The following SORCS1 variants were observed in gnomAD, a reference collection of about 807,000 sequenced individuals.
SORCS1 encodes the protein VPS10 domain-containing receptor SorCS1.
In SORCS1, 60 loss-of-function variants were observed where a neutral mutation model predicts 146.1. The observed-to-expected ratio is 0.41, with a 90% CI of 0.33 to 0.51. The LOEUF (loss-of-function observed/expected upper bound fraction) is 0.51, where lower values mean the gene tolerates loss of function less well. SORCS1 is among the 20% of genes least tolerant of loss of function. SORCS1 has a pLI of 0.21. For synonymous variants in SORCS1, 637 were observed against 584.0 expected, an observed-to-expected ratio of 1.09 and a Z score of -1.31; for missense variants, 1,352 against 1,487.6, an observed-to-expected ratio of 0.91 and a Z score of 1.50.
chr10:106,607,438 G>T, intron 22 of SORCS1, 141 bp from the exon 23 acceptor site: 1 of 1,161,136 alleles, frequency 8.6e-7, no homozygotes, highest in Non-Finnish European at 1.2e-6. Context: ...TATCAGGCAG[G>T]GAGTATGTGA....
intron 3 of SORCS1, among the ~76,000 whole-genome samples, chr10:106,828,659 T>C (rs1948401431): frequency 6.6e-6 from 1 of 152,244 alleles, no homozygotes; most frequent in Non-Finnish European, 1.5e-5. Context: ...TTAGTTCATG[T>C]AACCTATGTA....
chr10:107,015,124 C>T (rs1339379873), intron 1 of SORCS1, among the ~76,000 whole-genome samples: 8 of 152,284 alleles, frequency 5.3e-5, no homozygotes, highest in South Asian at 2.1e-4. Flanking sequence ...AAACAGATTA[C>T]GCTTAACCCT....
intron 5 of SORCS1, among the ~76,000 whole-genome samples, chr10:106,732,582 C>T (rs1383178706): frequency 6.6e-6 from 1 of 152,184 alleles, no homozygotes; most frequent in African/African-American, 2.4e-5. Context: ...ATGACTACCA[C>T]CACTTATTCC....
intron 1 of SORCS1, among the ~76,000 whole-genome samples, chr10:107,035,211 T>C (rs1021351568): frequency 6.7e-6 from 1 of 149,206 alleles, no homozygotes; most frequent in African/African-American, 2.5e-5. Context: ...ACTTATATTC[T>C]GTGCCAGTGT....
chr10:107,118,755 C>T (rs1386866668), intron 1 of SORCS1, among the ~76,000 whole-genome samples: 1 of 152,138 alleles, frequency 6.6e-6, no homozygotes, highest in African/African-American at 2.4e-5. Context: ...GTCAGAATAA[C>T]CATATACTGA....
At chr10:107,019,340 T>C (rs967100608) in intron 1 of SORCS1, among the ~76,000 whole-genome samples, 1 of 152,084 alleles carries the variant, frequency 6.6e-6, no homozygotes, top group Non-Finnish European at 1.5e-5. Flanking sequence ...AAAGGTTGAG[T>C]AGTGTCTGTT....
Position 106,811,107 on chromosome 10 carries a change from T to G in SORCS1, c.726+18467A>C, listed in dbSNP as rs1254819561. Among the ~76,000 whole-genome samples, 4 of 151,808 alleles carry G rather than the reference T, an allele frequency of 2.6e-5. No homozygotes were observed. The South Asian group carries it at 8.3e-4, about 32-fold the overall frequency. The stretch of plus-strand genomic sequence containing the variant: ...GGCGCCTACCACCACATCCGGCTAA[T>G]TTTTGTATTTTTAGTAGAGACGGGG... On this transcript the variant is annotated intron_variant, in intron 3 of 25. Coordinates refer to ENST00000263054, the MANE Select transcript of SORCS1 (RefSeq NM_052918.5).
At chr10:107,002,750 T>C (rs1957270910) in intron 1 of SORCS1, among the ~76,000 whole-genome samples, 1 of 152,142 alleles carries the variant, frequency 6.6e-6, no homozygotes, top group African/African-American at 2.4e-5. Flanking sequence ...TGATTGTCTC[T>C]TCATAATGGA....
intron 8 of SORCS1, among the ~76,000 whole-genome samples, chr10:106,702,352 G>C (rs1396913663): frequency 6.6e-6 from 1 of 152,166 alleles, no homozygotes; most frequent in African/African-American, 2.4e-5. Flanking sequence ...CCTGACCCCC[G>C]CATAGCTAAT....
rs10658432 is a variant in SORCS1 at position 106,674,328 on chromosome 10, CAAAAAAAA to C, written c.1940+713_1940+720del. Among the ~76,000 whole-genome samples the C allele has an allele frequency of 5.3e-3, 146 of 27,370 alleles. 5 individuals carry two copies. The highest frequency in any genetic ancestry group is 6.9e-3 in the Non-Finnish European group (127 of 18,432). The allele number at this position is 27,370 out of a possible 152,430, so 18.0% of individuals were successfully genotyped here. On this transcript the variant is annotated intron_variant, in intron 14 of 25. Coordinates refer to ENST00000263054, the MANE Select transcript of SORCS1 (RefSeq NM_052918.5). ...TGGGCGACAGAGTAAGACTCCGTCTCAAAAAAAAAAAAAAAAAAAAAAAAAAAAAGTAG... is the reference window on the plus strand; with the variant it reads ...TGGGCGACAGAGTAAGACTCCGTCTCAAAAAAAAAAAAAAAAAAAAAGTAG...
intron 1 of SORCS1, among the ~76,000 whole-genome samples, chr10:107,066,581 A>G (rs975208074): frequency 2.6e-5 from 4 of 152,256 alleles, no homozygotes; most frequent in Non-Finnish European, 4.4e-5. Context: ...GGAATGAAGT[A>G]CAATGATCAA....
In SORCS1 at chr10:106,626,980, G is replaced by C. The variant is rs144405313; in HGVS notation, c.2662+2222C>G. Among the ~76,000 whole-genome samples the C allele has an allele frequency of 5.1e-3, 772 of 152,270 alleles. 2 individuals carry two copies. Among genetic ancestry groups the C allele is most frequent in the Middle Eastern group, 6.8e-3 (2 of 294 alleles). On this transcript the variant is annotated intron_variant, in intron 19 of 25. Coordinates refer to ENST00000263054, the MANE Select transcript of SORCS1 (RefSeq NM_052918.5). ...ACAAATTATCTTCCTCTAAGGTTAA[G>C]GTCAAATATTTGGTCCAATCAACTA...
At chr10:106,965,477 G>A (rs183405962) in intron 1 of SORCS1, among the ~76,000 whole-genome samples, 1 of 152,172 alleles carries the variant, frequency 6.6e-6, no homozygotes, top group African/African-American at 2.4e-5. Flanking sequence ...CAAATACTAG[G>A]GTGTACCACT....
chr10:106,871,539 C>T (rs1950406254), intron 2 of SORCS1, among the ~76,000 whole-genome samples: 1 of 152,208 alleles, frequency 6.6e-6, no homozygotes, highest in Non-Finnish European at 1.5e-5. Flanking sequence ...GGTACACATA[C>T]ACCATTAAAT....
rs567375359 is a variant in SORCS1 at position 106,915,951 on chromosome 10, GAA to G, written c.626+40560_626+40561del. On this transcript the variant is annotated intron_variant, in intron 2 of 25. Transcript: ENST00000263054. The stretch of plus-strand genomic sequence containing the variant: ...AAGCCAATTGATAAGAAAGGTGCAG[GAA>G]AAGATTGCTTGCAATGAAAGGTATC... Among the ~76,000 whole-genome samples, 317 of 152,282 alleles carry G rather than the reference GAA, an allele frequency of 2.1e-3. 6 individuals carry two copies. Among genetic ancestry groups the G allele is most frequent in the African/African-American group, 7.4e-3 (308 of 41,566 alleles).
Position 106,652,488 on chromosome 10 carries a change from T to C in SORCS1, c.2369A>G (p.Gln790Arg), listed in dbSNP as rs746214465. 6.2e-7 allele frequency: 1 copy of C among 1,614,166 alleles called. No individual in the cohort carries two copies. The highest frequency in any genetic ancestry group is 1.1e-5 in the South Asian group (1 of 91,082). ...CCGCGGGGCTTTCCCTGGGCACTTC[T>C]GCGGTTTGGCAGTGTACTGTTCCCT... The part of the protein sequence containing the change: ...GVREQYTAKP[Q>R]KCPGKAPRGL... Residue 790 changes from glutamine to arginine, a missense_variant, in exon 18 of 26, where the codon CAG (glutamine) becomes CGG (arginine). Physicochemically the swap from Gln to Arg is conservative, Grantham distance 43. This residue lies in a region of SORCS1 where 648 missense variants were observed against 793.8 expected (regional missense o/e 0.82). Coordinates refer to ENST00000263054, the MANE Select transcript of SORCS1 (RefSeq NM_052918.5).
intron 12 of SORCS1, among the ~76,000 whole-genome samples, chr10:106,678,363 C>T (rs1192506939): frequency 2.0e-5 from 3 of 152,132 alleles, no homozygotes; most frequent in African/African-American, 4.8e-5. Context: ...AATTTCTTCC[C>T]TTCCTCCTCC....
chr10:106,999,428 C>T (rs531820824), intron 1 of SORCS1, among the ~76,000 whole-genome samples: 1 of 152,274 alleles, frequency 6.6e-6, no homozygotes, highest in Non-Finnish European at 1.5e-5. Context: ...CTCATCAGAG[C>T]CACATCAAAA....
intron 1 of SORCS1, among the ~76,000 whole-genome samples, chr10:107,107,463 G>A (rs183502261): frequency 6.6e-6 from 1 of 152,202 alleles, no homozygotes; most frequent in Non-Finnish European, 1.5e-5. Flanking sequence ...TGTGAGCAAG[G>A]CAATCGGATA....
Sources: allele counts gnomAD v4.1 joint callset (sites outside exome capture counted in the v4.1 genomes callset), GRCh38; gene constraint gnomAD v4.1.1; regional missense constraint gnomAD v4.1.1; transcripts MANE v1.5; gene names NCBI Gene and HGNC (gene_info 2026-07-23, HGNC 2026-07-21).